Variants in NDST4 observed in about 807,000 individuals in gnomAD.
NDST4 encodes N-deacetylase and N-sulfotransferase 4.
A neutral mutation model predicts 100.8 loss-of-function variants in NDST4; 63 were observed. The observed-to-expected ratio is 0.62, with a 90% CI of 0.51 to 0.77. NDST4 has a LOEUF of 0.77. Ranked by LOEUF, NDST4 falls within the 30% of genes least tolerant of loss-of-function variation. NDST4 has a pLI of 0.00. For synonymous variants in NDST4, 377 were observed against 361.8 expected, an observed-to-expected ratio of 1.04 and a Z score of -0.48; for missense variants, 943 against 1,018.4, an observed-to-expected ratio of 0.93 and a Z score of 1.01.
intron 1 of NDST4, among the ~76,000 whole-genome samples, chr4:115,108,669 A>G (rs542706511): frequency 2.6e-5 from 4 of 151,968 alleles, no homozygotes; most frequent in Non-Finnish European, 5.9e-5. Context: ...CCACTTAAAT[A>G]ATTTAGTAAA....
intron 4 of NDST4, among the ~76,000 whole-genome samples, chr4:114,961,099 T>C (rs1050077233): frequency 1.6e-4 from 24 of 152,162 alleles, no homozygotes; most frequent in African/African-American, 5.1e-4. Context: ...ATTGAAACTC[T>C]TAAGCAGCCA....
intron 2 of NDST4, among the ~76,000 whole-genome samples, chr4:115,028,418 C>T (rs959107104): frequency 6.6e-6 from 1 of 152,040 alleles, no homozygotes; most frequent in African/African-American, 2.4e-5. Context: ...ATTTAGGATA[C>T]TTTAACATAC....
chr4:114,876,512 A>C (rs1329977446), intron 6 of NDST4, among the ~76,000 whole-genome samples: 1 of 152,186 alleles, frequency 6.6e-6, no homozygotes, highest in Non-Finnish European at 1.5e-5. Flanking sequence ...AACATTACTA[A>C]TATGAGTGCC....
chr4:114,996,868 CAT>C (rs1472167477), intron 2 of NDST4, among the ~76,000 whole-genome samples: 4 of 151,930 alleles, frequency 2.6e-5, no homozygotes, highest in Non-Finnish European at 5.9e-5. Context: ...TAGGTGGCCT[CAT>C]AGAGCAAAAC....
intron 1 of NDST4, among the ~76,000 whole-genome samples, chr4:115,079,539 A>C (rs1729259160): frequency 6.6e-6 from 1 of 152,120 alleles, no homozygotes; most frequent in Non-Finnish European, 1.5e-5. Flanking sequence ...TCGATTTCCC[A>C]GTTTGCCAAA....
chr4:115,017,193 G>A (rs1727697196), intron 2 of NDST4, among the ~76,000 whole-genome samples: 1 of 151,954 alleles, frequency 6.6e-6, no homozygotes, highest in Admixed American at 6.6e-5. Flanking sequence ...TATTTTCTAA[G>A]TATTATTAGG....
At chr4:115,073,254 G>A (rs949084800) in intron 2 of NDST4, among the ~76,000 whole-genome samples, 1 of 151,870 alleles carries the variant, frequency 6.6e-6, no homozygotes, top group African/African-American at 2.4e-5. Context: ...AAAACAATAT[G>A]GAGATTCTTC....
chr4:114,933,432 C>CTTTTTTTTTTTTTTTTTTCCTCT (rs1553955185), intron 6 of NDST4, among the ~76,000 whole-genome samples: 1 of 89,278 alleles, frequency 1.1e-5, no homozygotes, highest in East Asian at 4.4e-4. Flanking sequence ...TTTTCTTTTC[C>CTTTTTTTTTTTTTTTTTTCCTCT]TTTTTTTTTT....
In NDST4 at chr4:115,051,397, T is replaced by C. The variant is rs567947586; in HGVS notation, c.978+24662A>G. The stretch of plus-strand genomic sequence containing the variant: ...TAATAACCACATTTACGTTCTTTTC[T>C]TTCCCTTAATTTTCCCATCCTTTCT... On this transcript the variant is annotated intron_variant, in intron 2 of 13. Coordinates refer to ENST00000264363, the MANE Select transcript of NDST4 (RefSeq NM_022569.3). Among the ~76,000 whole-genome samples the C allele has an allele frequency of 2.0e-5, 3 of 152,260 alleles. No individual in the cohort carries two copies. The South Asian group carries it at 6.2e-4, about 32-fold the overall frequency.
chr4:115,044,276 T>A (rs746422564), intron 2 of NDST4, among the ~76,000 whole-genome samples: 32 of 152,240 alleles, frequency 2.1e-4, no homozygotes, highest in Non-Finnish European at 3.8e-4. Flanking sequence ...ATATATCTTT[T>A]ACATTAATAT....
chr4:114,854,707 A>G (rs1204923150), intron 7 of NDST4, among the ~76,000 whole-genome samples: 1 of 152,086 alleles, frequency 6.6e-6, no homozygotes, highest in Non-Finnish European at 1.5e-5. Flanking sequence ...TGACCTCATG[A>G]TCTGTCCACC....
At chr4:115,032,790 T>C (rs1728142901) in intron 2 of NDST4, among the ~76,000 whole-genome samples, 1 of 152,090 alleles carries the variant, frequency 6.6e-6, no homozygotes, top group African/African-American at 2.4e-5. Context: ...GTTTGAGGTT[T>C]GGTCAAAAAT....
intron 2 of NDST4, among the ~76,000 whole-genome samples, chr4:115,058,237 G>A (rs990337407): frequency 1.3e-5 from 2 of 152,050 alleles, no homozygotes; most frequent in African/African-American, 4.8e-5. Context: ...TGTCACTGAG[G>A]AATGTGACTT....
rs568967305 is a variant in NDST4 at position 115,084,173 on chromosome 4, G to T, written c.-246-6891C>A. ...GATCTCAGATGTTGATGAGGAACTTGTTGGGAACTGGAATAAAGGGGATTC... is the reference window on the plus strand; with the variant it reads ...GATCTCAGATGTTGATGAGGAACTTTTTGGGAACTGGAATAAAGGGGATTC... On this transcript the variant is annotated intron_variant, in intron 1 of 13. Coordinates refer to ENST00000264363, the MANE Select transcript of NDST4 (RefSeq NM_022569.3). Among the ~76,000 whole-genome samples the T allele has an allele frequency of 1.1e-4, 16 of 152,332 alleles. No homozygotes were observed. The South Asian group carries it at 2.1e-3, about 20-fold the overall frequency.
At chr4:114,936,920 A>G (rs1013332925) in intron 5 of NDST4, among the ~76,000 whole-genome samples, 3 of 152,228 alleles carry the variant, frequency 2.0e-5, no homozygotes, top group African/African-American at 7.2e-5. Context: ...CAGAATAACA[A>G]CTTGAGAGGT....
chr4:114,948,631 A>T (rs12648274), intron 4 of NDST4, among the ~76,000 whole-genome samples: 2 of 151,950 alleles, frequency 1.3e-5, no homozygotes, highest in Admixed American at 6.6e-5. Context: ...TCATCAATAC[A>T]GTTCTCATCC....
At chr4:115,010,608 G>T (rs1319693314) in intron 2 of NDST4, among the ~76,000 whole-genome samples, 1 of 98,734 alleles carries the variant, frequency 1.0e-5, no homozygotes, top group Non-Finnish European at 2.1e-5. Flanking sequence ...AATGTGTGCA[G>T]CACACCAGCA....
At position 114,986,832 on chromosome 4, in the gene NDST4, A is replaced by ATTTTTTTTTT. The variant is rs58065684; in HGVS notation, c.979-9559_979-9558insAAAAAAAAAA. ...TATATATATATATATATATATATAT[A>ATTTTTTTTTT]TTTTAATATACTATTCCTATAAGCT... On this transcript the variant is annotated intron_variant, in intron 2 of 13. Coordinates refer to ENST00000264363, the MANE Select transcript of NDST4 (RefSeq NM_022569.3). Among the ~76,000 whole-genome samples, 31 of 94,656 alleles carry ATTTTTTTTTT rather than the reference A, an allele frequency of 3.3e-4. 1 individual carries two copies. Among genetic ancestry groups the ATTTTTTTTTT allele is most frequent in the African/African-American group, 9.3e-4 (25 of 27,010 alleles). The allele number at this position is 94,656 out of a possible 152,430, so 62.1% of individuals were successfully genotyped here. A position where few individuals can be genotyped will look rare whatever the true frequency, so the allele number is the denominator to read the frequency against.
chr4:115,014,179 T>C (rs1375862958), intron 2 of NDST4, among the ~76,000 whole-genome samples: 2 of 152,100 alleles, frequency 1.3e-5, no homozygotes, highest in African/African-American at 4.8e-5. Flanking sequence ...GTTTGGCTGG[T>C]AAGGCCAGCA....
Sources: gnomAD v4.1 joint callset for allele counts (sites outside exome capture counted in the v4.1 genomes callset) on GRCh38, gnomAD v4.1.1 for gene constraint, MANE v1.5 for transcripts, NCBI Gene and HGNC (gene_info 2026-07-23, HGNC 2026-07-21) for gene names.